The following GPC6 variants were observed in gnomAD, a reference collection of about 807,000 sequenced individuals.
The protein encoded by GPC6 is glypican 6.
GPC6 carries 14 observed loss-of-function variants against 55.2 expected under a neutral mutation model. The observed-to-expected ratio is 0.25, with a 90% confidence interval of 0.17 to 0.40. The LOEUF (loss-of-function observed/expected upper bound fraction) is 0.40, where lower values mean the gene tolerates loss of function less well. Among genes scored for constraint, GPC6 ranks in the 10% least tolerant of loss-of-function variants. The pLI is 1.00. For synonymous variants in GPC6, 278 were observed against 259.6 expected (o/e 1.07, Z -0.68); for missense variants, 641 against 708.5 (o/e 0.90, Z 1.08).
chr13:93,940,441 GATGGATGA>G (rs1472750601), intron 3 of GPC6, among the ~76,000 whole-genome samples: 1 of 151,668 alleles, frequency 6.6e-6, no homozygotes, highest in Non-Finnish European at 1.5e-5. Flanking sequence ...TGGATGGATG[GATGGATGA>G]ATGGATGAAT....
intron 4 of GPC6, among the ~76,000 whole-genome samples, chr13:94,198,675 G>A (rs926679919): frequency 2.0e-5 from 3 of 152,210 alleles, no homozygotes; most frequent in Non-Finnish European, 4.4e-5. Flanking sequence ...CAATGCATCT[G>A]TAATTGAAAA....
At chr13:94,113,249 A>T (rs903762068) in intron 4 of GPC6, among the ~76,000 whole-genome samples, 2 of 152,128 alleles carry the variant, frequency 1.3e-5, no homozygotes, top group African/African-American at 4.8e-5. Context: ...TGTTCTATGA[A>T]TAAAAAGCAC....
At chr13:93,735,121 G>C (rs921959590) in intron 2 of GPC6, among the ~76,000 whole-genome samples, 1 of 152,108 alleles carries the variant, frequency 6.6e-6, no homozygotes, top group Admixed American at 6.6e-5. Context: ...GATAATTACT[G>C]TTGTATGTTT....
At chr13:93,909,110 G>A (rs1876827773) in intron 3 of GPC6, among the ~76,000 whole-genome samples, 1 of 152,096 alleles carries the variant, frequency 6.6e-6, no homozygotes, top group South Asian at 2.1e-4. Flanking sequence ...TATTTCCGTA[G>A]CCTATAACTG....
intron 3 of GPC6, among the ~76,000 whole-genome samples, chr13:93,843,507 G>T (rs890459951): frequency 6.6e-6 from 1 of 152,010 alleles, no homozygotes; most frequent in East Asian, 1.9e-4. Context: ...CCTTCCATTG[G>T]GCCCCAAATC....
intron 1 of GPC6, among the ~76,000 whole-genome samples, chr13:93,429,231 T>C (rs1877263504): frequency 1.3e-5 from 2 of 152,080 alleles, no homozygotes; most frequent in South Asian, 4.1e-4. Flanking sequence ...CTCATACATA[T>C]TCTCTAAACT....
intron 2 of GPC6, among the ~76,000 whole-genome samples, chr13:93,730,354 A>G (rs534988274): frequency 2.8e-4 from 43 of 152,298 alleles, no homozygotes; most frequent in Non-Finnish European, 4.6e-4. Context: ...AAAAATAACA[A>G]TTTGACCTTA....
intron 4 of GPC6, among the ~76,000 whole-genome samples, chr13:94,118,028 G>T (rs1456168070): frequency 6.6e-6 from 1 of 152,080 alleles, no homozygotes; most frequent in Non-Finnish European, 1.5e-5. Context: ...GTAAAAGGAA[G>T]ATTTTAATGT....
At position 93,389,482 on chromosome 13, in the gene GPC6, C is replaced by T. The variant is rs1875532803; in HGVS notation, c.161-155781C>T. 2.8e-5 allele frequency among the ~76,000 whole-genome samples: 4 copies of T among 141,286 alleles called. No individual in the cohort carries two copies. In the South Asian group the frequency reaches 6.9e-4, roughly 24 times the overall value. The allele number at this position is 141,286 out of a possible 152,430, so 92.7% of individuals were successfully genotyped here. Reference sequence around the variant, plus strand: ...TCGCACCACTGCACTCCAGCTTGGGCAACAGAGCAAGACTCCATCTCAAAA... The same window carrying T: ...TCGCACCACTGCACTCCAGCTTGGGTAACAGAGCAAGACTCCATCTCAAAA... On this transcript the variant is annotated intron_variant, in intron 1 of 8. Transcript: ENST00000377047.
At chr13:93,697,578 T>C (rs895808483) in intron 2 of GPC6, among the ~76,000 whole-genome samples, 2 of 152,192 alleles carry the variant, frequency 1.3e-5, no homozygotes, top group African/African-American at 4.8e-5. Flanking sequence ...GCCACAAATA[T>C]ATGTTAGACA....
At chr13:93,432,193 A>G (rs539616439) in intron 1 of GPC6, among the ~76,000 whole-genome samples, 4 of 152,188 alleles carry the variant, frequency 2.6e-5, no homozygotes, top group Non-Finnish European at 5.9e-5. Context: ...AATTAGAGGC[A>G]GTGAGTTATA....
intron 6 of GPC6, among the ~76,000 whole-genome samples, chr13:94,320,344 T>C (rs1320383353): frequency 2.0e-5 from 3 of 152,224 alleles, no homozygotes. Flanking sequence ...GATATTCTAA[T>C]ATCTGAAGAG....
chr13:93,415,530 A>G (rs1331497908), intron 1 of GPC6, among the ~76,000 whole-genome samples: 2 of 152,166 alleles, frequency 1.3e-5, no homozygotes, highest in Non-Finnish European at 2.9e-5. Flanking sequence ...CTATTTCTCT[A>G]TGATTAATTT....
At chr13:94,299,851 T>C (rs947981953) in intron 5 of GPC6, among the ~76,000 whole-genome samples, 1 of 152,174 alleles carries the variant, frequency 6.6e-6, no homozygotes, top group African/African-American at 2.4e-5. Context: ...ATATATGGTA[T>C]CCACACTAAT....
intron 2 of GPC6, among the ~76,000 whole-genome samples, chr13:93,588,367 AGTGTGTGTGTGTGTGT>A (rs71123497): frequency 6.7e-4 from 101 of 150,320 alleles, no homozygotes; most frequent in Admixed American, 1.7e-3. Context: ...GTGGCTATTA[AGTGTGTGTGTGTGTGT>A]GTGTGTGTGT....
chr13:94,301,406 A>G (rs1417597740), intron 5 of GPC6, among the ~76,000 whole-genome samples: 1 of 152,172 alleles, frequency 6.6e-6, no homozygotes, highest in African/African-American at 2.4e-5. Flanking sequence ...CTAAAATAAA[A>G]TTAAAAGATT....
At chr13:94,226,570 A>G (rs1890565372) in intron 4 of GPC6, among the ~76,000 whole-genome samples, 2 of 152,142 alleles carry the variant, frequency 1.3e-5, no homozygotes, top group African/African-American at 4.8e-5. Flanking sequence ...AAGGTACCTG[A>G]GGCTCTTTTC....
At chr13:94,217,443 T>C (rs1890258209) in intron 4 of GPC6, among the ~76,000 whole-genome samples, 1 of 152,180 alleles carries the variant, frequency 6.6e-6, no homozygotes, top group African/African-American at 2.4e-5. Flanking sequence ...CAATAATAAA[T>C]GGGAATCTAT....
chr13:94,398,584 A>T lies in GPC6; in HGVS notation c.1408A>T (p.Met470Leu). The T allele has an allele frequency of 6.2e-7, 1 of 1,614,136 alleles. No homozygotes were observed. Among genetic ancestry groups the T allele is most frequent in the African/African-American group, 1.3e-5 (1 of 75,060 alleles). Residue 470 changes from methionine (M) to leucine (L), a missense_variant, in exon 8 of 9, where the codon ATG becomes TTG. Coordinates refer to ENST00000377047, the MANE Select transcript of GPC6 (RefSeq NM_005708.5). Reference sequence around the variant, plus strand: ...ACAGCAGATTATGGCTCTCCGTGTGATGACCAACAAACTAAAAAACGCCTA... The same window carrying T: ...ACAGCAGATTATGGCTCTCCGTGTGTTGACCAACAAACTAAAAAACGCCTA... ...IRQQIMALRV[M>L]TNKLKNAYNG... is the part of the protein sequence containing the mutation.
Sources: gnomAD v4.1 joint callset for allele counts (sites outside exome capture counted in the v4.1 genomes callset) on GRCh38, gnomAD v4.1.1 for gene constraint, MANE v1.5 for transcripts, NCBI Gene and HGNC (gene_info 2026-07-23, HGNC 2026-07-21) for gene names.